The following FAM184B variants were observed in gnomAD, a reference collection of about 807,000 sequenced individuals.
FAM184B encodes the protein family with sequence similarity 184 member B.
A neutral mutation model predicts 135.9 loss-of-function variants in FAM184B; 111 were observed. That is an observed-to-expected ratio of 0.82 (90% CI 0.70 to 0.96). FAM184B has a LOEUF of 0.96. FAM184B is among the 40% of genes least tolerant of loss of function. FAM184B has a pLI of 0.00. For missense variants in FAM184B, 1,375 were observed against 1,323.9 expected (o/e 1.04, Z -0.60); for synonymous variants, 552 against 524.8 (o/e 1.05, Z -0.71).
At chr4:17,759,282 T>C (rs1273595185) in intron 1 of FAM184B, among the ~76,000 whole-genome samples, 8 of 152,122 alleles carry the variant, frequency 5.3e-5, no homozygotes, top group Non-Finnish European at 8.8e-5. Context: ...TCTCATGAGA[T>C]CTGGATGTTT....
chr4:17,702,054 T>C (rs6449329), intron 5 of FAM184B, among the ~76,000 whole-genome samples: 93,125 of 152,064 alleles, frequency 0.61, 29,106 homozygotes, highest in East Asian at 0.93. Context: ...GTGGGTGGTG[T>C]TGGCTGTGTA....
At chr4:17,675,578 C>T (rs1433724008) in intron 7 of FAM184B, among the ~76,000 whole-genome samples, 1 of 152,162 alleles carries the variant, frequency 6.6e-6, no homozygotes, top group African/African-American at 2.4e-5. Context: ...TGGAGCCAGG[C>T]ATTGACTTTT....
intron 5 of FAM184B, among the ~76,000 whole-genome samples, chr4:17,699,998 T>C (rs1716949312): frequency 6.6e-6 from 1 of 152,144 alleles, no homozygotes; most frequent in Admixed American, 6.5e-5. Context: ...GACCAATAAA[T>C]TTAAAGGTGC....
At chr4:17,639,498 T>G in intron 13 of FAM184B, 102 bp from the exon 14 acceptor site, 2 of 1,366,230 alleles carry the variant, frequency 1.5e-6, no homozygotes, top group South Asian at 1.4e-5. Flanking sequence ...TTGGGAGATC[T>G]GGGTGGGGAG....
chr4:17,636,479 C>G (rs756490582), intron 15 of FAM184B, 49 bp downstream of exon 15: 9 of 1,431,832 alleles, frequency 6.3e-6, no homozygotes, highest in Non-Finnish European at 6.7e-6. Flanking sequence ...CGGGGGAGCC[C>G]GCAGTGCCCG....
intron 11 of FAM184B, 36 bp downstream of exon 11, chr4:17,652,794 G>C: frequency 6.5e-7 from 1 of 1,529,158 alleles, no homozygotes; most frequent in Non-Finnish European, 8.8e-7. Flanking sequence ...CCCTGCAGTT[G>C]GCCAGGCCCT....
intron 1 of FAM184B, among the ~76,000 whole-genome samples, chr4:17,756,175 T>C (rs1249292408): frequency 6.6e-5 from 10 of 152,086 alleles, no homozygotes; most frequent in Non-Finnish European, 2.9e-5. Flanking sequence ...CAGAGTTTCT[T>C]GGGGCAATGG....
At chr4:17,765,056 T>C (rs1055634142) in intron 1 of FAM184B, among the ~76,000 whole-genome samples, 1 of 152,128 alleles carries the variant, frequency 6.6e-6, no homozygotes, top group East Asian at 1.9e-4. Context: ...AGCAAGACCC[T>C]GTCTCAAAAA....
At position 17,653,413 on chromosome 4, in the gene FAM184B, G is replaced by A. The variant is rs1408084712; in HGVS notation, c.2038-430C>T. Among the ~76,000 whole-genome samples the A allele has an allele frequency of 2.6e-5, 4 of 152,330 alleles. No individual in the cohort carries two copies. The South Asian group carries it at 8.3e-4, about 32-fold the overall frequency. ...TCTGTGGAGGAAGCCCAGGGCTGGT[G>A]TGCACAGCAGAGCAGAATGACATAG... On this transcript the variant is annotated intron_variant, in intron 10 of 17. Transcript: ENST00000265018.
chr4:17,753,551 G>C (rs1006134525), intron 1 of FAM184B, among the ~76,000 whole-genome samples: 7 of 152,090 alleles, frequency 4.6e-5, no homozygotes, highest in African/African-American at 1.7e-4. Context: ...CACTTATTAA[G>C]TACTAGATTA....
intron 11 of FAM184B, among the ~76,000 whole-genome samples, chr4:17,648,005 G>A (rs1221471587): frequency 6.6e-6 from 1 of 152,138 alleles, no homozygotes; most frequent in African/African-American, 2.4e-5. Context: ...AACTTTTCTG[G>A]TATGAATTAT....
At chr4:17,717,600 C>A (rs753437119) in intron 1 of FAM184B, among the ~76,000 whole-genome samples, 1 of 152,148 alleles carries the variant, frequency 6.6e-6, no homozygotes, top group Non-Finnish European at 1.5e-5. Flanking sequence ...CAAGTCAAAA[C>A]GACTTCCTAA....
intron 1 of FAM184B, among the ~76,000 whole-genome samples, chr4:17,727,552 G>A (rs528978069): frequency 1.8e-4 from 27 of 152,306 alleles, no homozygotes; most frequent in African/African-American, 4.6e-4. Flanking sequence ...CAATCATGGC[G>A]GAAGGTGAAG....
Position 17,772,854 on chromosome 4 carries a change from T to G in FAM184B, c.141+8305A>C, listed in dbSNP as rs528555056. On this transcript the variant is annotated intron_variant, in intron 1 of 17. Transcript: ENST00000265018. ...GCCAGGTGCACCTACCCCTGTAAAA[T>G]TGATGTGTAGAAGACAATGTGTGCT... 1.3e-4 allele frequency among the ~76,000 whole-genome samples: 20 copies of G among 152,258 alleles called. 1 individual carries two copies. The highest frequency in any genetic ancestry group is 1.5e-4 in the Non-Finnish European group (10 of 68,012).
chr4:17,687,590 T>C (rs931589194), intron 7 of FAM184B, among the ~76,000 whole-genome samples: 1 of 152,112 alleles, frequency 6.6e-6, no homozygotes, highest in Non-Finnish European at 1.5e-5. Flanking sequence ...GGTCATGCTG[T>C]AGTAGAGTGG....
At chr4:17,736,851 G>A (rs1411896894) in intron 1 of FAM184B, among the ~76,000 whole-genome samples, 3 of 152,122 alleles carry the variant, frequency 2.0e-5, no homozygotes, top group South Asian at 2.1e-4. Flanking sequence ...ATTATTGAAA[G>A]GAAAAAGGGG....
intron 1 of FAM184B, among the ~76,000 whole-genome samples, chr4:17,772,004 G>C (rs1443783286): frequency 1.3e-5 from 2 of 152,178 alleles, no homozygotes; most frequent in Non-Finnish European, 2.9e-5. Flanking sequence ...GTCAGAAAAG[G>C]CCACTTTGAA....
At chr4:17,780,215 G>C (rs1719008727) in intron 1 of FAM184B, among the ~76,000 whole-genome samples, 1 of 152,328 alleles carries the variant, frequency 6.6e-6, no homozygotes, top group Middle Eastern at 3.4e-3. Context: ...AAATGTGTGG[G>C]AAGTGAGAGG....
chr4:17,665,833 G>C (rs534866787), intron 7 of FAM184B, among the ~76,000 whole-genome samples: 4 of 152,266 alleles, frequency 2.6e-5, no homozygotes, highest in Non-Finnish European at 5.9e-5. Flanking sequence ...ACTCCCAGCA[G>C]AACTGGAAAT....
Sources: allele counts gnomAD v4.1 joint callset (sites outside exome capture counted in the v4.1 genomes callset), GRCh38; gene constraint gnomAD v4.1.1; transcripts MANE v1.5; gene names NCBI Gene and HGNC (gene_info 2026-07-23, HGNC 2026-07-21).